ANO10: variants seen among roughly 807,000 people sequenced by gnomAD.
ANO10 encodes the protein anoctamin 10.
A neutral mutation model predicts 74.7 loss-of-function variants in ANO10; 77 were observed. The observed-to-expected ratio is 1.03, with a 90% CI of 0.86 to 1.25. The LOEUF (loss-of-function observed/expected upper bound fraction) is 1.25. Among genes scored for constraint, ANO10 ranks in the 50% most tolerant of loss-of-function variants. The probability of loss-of-function intolerance (pLI) is 0.00; values close to 1 mark genes in which losing one functional copy is unlikely to be tolerated. For synonymous variants in ANO10, 279 were observed against 284.9 expected (o/e 0.98, Z 0.21); for missense variants, 721 against 778.1 (o/e 0.93, Z 0.87).
At chr3:43,676,434 G>A (rs2084122405) in intron 1 of ANO10, among the ~76,000 whole-genome samples, 1 of 152,050 alleles carries the variant, frequency 6.6e-6, no homozygotes, top group Non-Finnish European at 1.5e-5. Context: ...CTCCAGCCTG[G>A]GAGACAGAGT....
chr3:43,640,120 T>C (rs975166219), intron 1 of ANO10, among the ~76,000 whole-genome samples: 1 of 152,184 alleles, frequency 6.6e-6, no homozygotes, highest in South Asian at 2.1e-4. Flanking sequence ...ACTTGAAGGA[T>C]TGATATTTAA....
chr3:43,669,565 G>A (rs1261715049), intron 1 of ANO10, among the ~76,000 whole-genome samples: 2 of 151,922 alleles, frequency 1.3e-5, no homozygotes, highest in Non-Finnish European at 2.9e-5. Context: ...TTCAATTATG[G>A]GGGCAGCAGT....
At chr3:43,418,008 G>T (rs1481485497) in intron 12 of ANO10, among the ~76,000 whole-genome samples, 6 of 152,240 alleles carry the variant, frequency 3.9e-5, no homozygotes, top group African/African-American at 1.4e-4. Context: ...GCCGGGCGCA[G>T]TGGCTCACGC....
intron 11 of ANO10, among the ~76,000 whole-genome samples, chr3:43,528,959 A>C (rs2078333076): frequency 6.6e-6 from 1 of 151,440 alleles, no homozygotes; most frequent in Admixed American, 6.6e-5. Context: ...ATCCTGTCTC[A>C]AAAAAAACCC....
chr3:43,495,440 AAAC>A (rs2076877658), intron 11 of ANO10, among the ~76,000 whole-genome samples: 2 of 152,188 alleles, frequency 1.3e-5, no homozygotes, highest in South Asian at 4.1e-4. Flanking sequence ...AAAAAATACT[AAAC>A]AACAGATAGA....
At chr3:43,516,232 T>A (rs375856553) in intron 11 of ANO10, among the ~76,000 whole-genome samples, 1 of 152,092 alleles carries the variant, frequency 6.6e-6, no homozygotes, top group East Asian at 1.9e-4. Context: ...TATTAATTAA[T>A]CATTAACGCT....
At chr3:43,635,058 A>T (rs2083591362) in intron 1 of ANO10, among the ~76,000 whole-genome samples, 1 of 152,118 alleles carries the variant, frequency 6.6e-6, no homozygotes, top group South Asian at 2.1e-4. Context: ...CAGAAGGATG[A>T]TGAGGAAAGG....
Position 43,516,127 on chromosome 3 carries a change from T to C in ANO10, c.1797+33593A>G, listed in dbSNP as rs140323341. On this transcript the variant is annotated intron_variant, in intron 11 of 12. Transcript: ENST00000292246. ...GGACTGGGGTAATGCCAACTCTGAA[T>C]ACAGCATGGATCCTGCTCTCAAAGA... 3.3e-5 allele frequency among the ~76,000 whole-genome samples: 5 copies of C among 152,326 alleles called. No homozygotes were observed. The East Asian group carries it at 7.7e-4, about 23-fold the overall frequency.
At chr3:43,641,564 C>T (rs1322735823) in intron 1 of ANO10, among the ~76,000 whole-genome samples, 3 of 152,222 alleles carry the variant, frequency 2.0e-5, no homozygotes, top group East Asian at 3.9e-4. Context: ...ATTGCAGCCA[C>T]GGAAACTGAA....
intron 1 of ANO10, among the ~76,000 whole-genome samples, chr3:43,608,741 C>G (rs1043367206): frequency 6.6e-6 from 1 of 151,988 alleles, no homozygotes; most frequent in South Asian, 2.1e-4. Context: ...GCCATGACAC[C>G]CAGCTAATTT....
At chr3:43,558,752 A>G (rs2079883546) in intron 9 of ANO10, among the ~76,000 whole-genome samples, 1 of 152,230 alleles carries the variant, frequency 6.6e-6, no homozygotes, top group Admixed American at 6.5e-5. Flanking sequence ...GGAAACAATC[A>G]TCTAGAATAA....
At chr3:43,685,096 TAA>T (rs2084258457) in intron 1 of ANO10, among the ~76,000 whole-genome samples, 1 of 152,152 alleles carries the variant, frequency 6.6e-6, no homozygotes, top group Non-Finnish European at 1.5e-5. Flanking sequence ...AGAAAAAAAA[TAA>T]AGATTGTTTA....
intron 12 of ANO10, among the ~76,000 whole-genome samples, chr3:43,418,167 C>T (rs1284568705): frequency 6.6e-6 from 1 of 152,190 alleles, no homozygotes. Flanking sequence ...ATCCCAGCTA[C>T]TCAGGAGGCT....
intron 1 of ANO10, among the ~76,000 whole-genome samples, chr3:43,644,183 T>C (rs2083703622): frequency 6.6e-6 from 1 of 152,186 alleles, no homozygotes; most frequent in African/African-American, 2.4e-5. Context: ...ACCTCCTTGA[T>C]TGCACATTGT....
At chr3:43,616,007 G>A (rs1465595145) in intron 1 of ANO10, among the ~76,000 whole-genome samples, 2 of 152,108 alleles carry the variant, frequency 1.3e-5, no homozygotes, top group Non-Finnish European at 2.9e-5. Context: ...TTCTTCACCA[G>A]ATTAAAAGCA....
intron 4 of ANO10, among the ~76,000 whole-genome samples, chr3:43,597,440 T>G (rs1039619637): frequency 2.0e-5 from 3 of 152,028 alleles, no homozygotes; most frequent in African/African-American, 7.2e-5. Context: ...CCATAAAAAA[T>G]GATGAGTTCA....
At chr3:43,488,344 C>G (rs1267471530) in intron 11 of ANO10, among the ~76,000 whole-genome samples, 1 of 150,650 alleles carries the variant, frequency 6.6e-6, no homozygotes, top group Non-Finnish European at 1.5e-5. Flanking sequence ...TAAAGAGCTT[C>G]TGCACAGCAA....
chr3:43,415,892 C>T (rs1306383033), intron 12 of ANO10, among the ~76,000 whole-genome samples: 3 of 152,064 alleles, frequency 2.0e-5, no homozygotes, highest in Non-Finnish European at 4.4e-5. Flanking sequence ...TGTTAAATCA[C>T]ACATCATTCT....
chr3:43,425,881 G>A (rs1303284298), intron 12 of ANO10, among the ~76,000 whole-genome samples: 1 of 152,144 alleles, frequency 6.6e-6, no homozygotes, highest in Non-Finnish European at 1.5e-5. Context: ...CCTGGATCTA[G>A]GAGAGATGAA....
Sources: allele counts gnomAD v4.1 joint callset (sites outside exome capture counted in the v4.1 genomes callset), GRCh38; gene constraint gnomAD v4.1.1; transcripts MANE v1.5; gene names NCBI Gene and HGNC (gene_info 2026-07-23, HGNC 2026-07-21).